The following TEX36 variants were observed in gnomAD, a reference collection of about 807,000 sequenced individuals.
TEX36 encodes testis expressed 36.
A neutral mutation model predicts 13.6 loss-of-function variants in TEX36; 12 were observed. That is an observed-to-expected ratio of 0.88 (90% confidence interval 0.56 to 1.43). The LOEUF (loss-of-function observed/expected upper bound fraction) is 1.43. Ranked by LOEUF, TEX36 falls within the 40% of genes most tolerant of loss-of-function variation. TEX36 has a pLI of 0.00. For synonymous variants in TEX36, 93 were observed against 83.0 expected (o/e 1.12, Z -0.65); for missense variants, 224 against 228.3 (o/e 0.98, Z 0.12).
At chr10:125,625,065 C>G (rs986448371) in intron 3 of TEX36, among the ~76,000 whole-genome samples, 13 of 152,200 alleles carry the variant, frequency 8.5e-5, no homozygotes, top group African/African-American at 3.1e-4. Flanking sequence ...AAGGGCAACA[C>G]CTCTTCCAGA....
chr10:125,627,632 T>A (rs532690548), intron 3 of TEX36, among the ~76,000 whole-genome samples: 1 of 152,382 alleles, frequency 6.6e-6, no homozygotes, highest in East Asian at 1.9e-4. Flanking sequence ...GAATCAGAAC[T>A]ATGGCATAAT....
intron 3 of TEX36, among the ~76,000 whole-genome samples, chr10:125,650,416 G>C (rs1263489439): frequency 6.6e-6 from 1 of 152,112 alleles, no homozygotes; most frequent in African/African-American, 2.4e-5. Flanking sequence ...ATAACGAAAT[G>C]AAGGCAGAAA....
chr10:125,589,823 C>T (rs1029665088), intron 3 of TEX36, among the ~76,000 whole-genome samples: 1 of 151,970 alleles, frequency 6.6e-6, no homozygotes, highest in Non-Finnish European at 1.5e-5. Context: ...TGACATTGAG[C>T]TATTATCAGA....
intron 3 of TEX36, among the ~76,000 whole-genome samples, chr10:125,630,032 G>C (rs900055655): frequency 6.6e-6 from 1 of 152,184 alleles, no homozygotes; most frequent in African/African-American, 2.4e-5. Flanking sequence ...CCAAGTGGCT[G>C]TCTATAAGCC....
chr10:125,656,564 A>G (rs1028978056), intron 3 of TEX36, among the ~76,000 whole-genome samples: 1 of 152,110 alleles, frequency 6.6e-6, no homozygotes, highest in African/African-American at 2.4e-5. Context: ...AGCCTCAGTC[A>G]CATAGTTCTG....
rs749582876 is a variant in TEX36 at position 125,683,011 on chromosome 10, G to A, written c.-22C>T. The A allele has an allele frequency of 1.8e-5, 28 of 1,551,648 alleles. No homozygotes were observed. The highest frequency in any genetic ancestry group is 2.4e-5 in the Non-Finnish European group (28 of 1,146,946). Reference sequence around the variant, plus strand: ...TCATTCTCTCCAGGAAGCTGAATGTGGCTGAGATTGGCTCCCTCACCTCTC... The same window carrying A: ...TCATTCTCTCCAGGAAGCTGAATGTAGCTGAGATTGGCTCCCTCACCTCTC... On this transcript the variant is annotated 5_prime_UTR_variant, in exon 1 of 4. Transcript: ENST00000368821.
chr10:125,586,837 A>G (rs1589741398), intron 3 of TEX36, among the ~76,000 whole-genome samples: 1 of 151,064 alleles, frequency 6.6e-6, no homozygotes. Context: ...TATGGCTTGG[A>G]TCTGTGTCCC....
At chr10:125,670,533 T>C (rs976504004) in intron 1 of TEX36, among the ~76,000 whole-genome samples, 2 of 152,234 alleles carry the variant, frequency 1.3e-5, no homozygotes, top group African/African-American at 2.4e-5. Flanking sequence ...TCTCATTCTG[T>C]AGGTTGCCTG....
chr10:125,679,152 C>T (rs1033245139), intron 1 of TEX36, among the ~76,000 whole-genome samples: 2 of 147,154 alleles, frequency 1.4e-5, no homozygotes, highest in Non-Finnish European at 3.0e-5. Flanking sequence ...CCCCCGCCCC[C>T]GCCAAGCTGA....
intron 1 of TEX36, chr10:125,667,703 G>A: frequency 1.3e-6 from 1 of 744,040 alleles, no homozygotes; most frequent in Non-Finnish European, 2.4e-6. Context: ...CTGGTAGAGT[G>A]TCTGGTGGAA....
intron 1 of TEX36, among the ~76,000 whole-genome samples, chr10:125,666,664 G>GC (rs1589783632): frequency 1.3e-5 from 2 of 151,862 alleles, no homozygotes; most frequent in African/African-American, 2.4e-5. Context: ...TTCTCTCCCC[G>GC]CCCCCCCTCC....
intron 3 of TEX36, among the ~76,000 whole-genome samples, chr10:125,634,230 T>C (rs1054279445): frequency 1.3e-5 from 2 of 152,148 alleles, no homozygotes; most frequent in African/African-American, 2.4e-5. Flanking sequence ...ACTTAAAATA[T>C]AGAGAGTGTG....
chr10:125,631,943 G>GT, intron 3 of TEX36, among the ~76,000 whole-genome samples: 1 of 152,252 alleles, frequency 6.6e-6, no homozygotes, highest in East Asian at 1.9e-4. Flanking sequence ...AATCAGGTGT[G>GT]TATTTTAGGA....
intron 3 of TEX36, among the ~76,000 whole-genome samples, chr10:125,627,001 A>G (rs1452325284): frequency 6.6e-6 from 1 of 152,172 alleles, no homozygotes; most frequent in African/African-American, 2.4e-5. Context: ...ATTGCAAATG[A>G]AAGAATAACA....
intron 1 of TEX36, among the ~76,000 whole-genome samples, chr10:125,679,146 CG>C (rs1455701585): frequency 0.042 from 5,681 of 136,356 alleles, 551 homozygotes; most frequent in South Asian, 0.097. Context: ...GCACCCCCCC[CG>C]CCCCCGCCAA....
intron 3 of TEX36, among the ~76,000 whole-genome samples, chr10:125,581,825 C>A (rs1845886869): frequency 6.6e-6 from 1 of 152,154 alleles, no homozygotes; most frequent in African/African-American, 2.4e-5. Context: ...ACCTCCCAAC[C>A]CATGGAAATA....
intron 1 of TEX36, among the ~76,000 whole-genome samples, chr10:125,664,189 G>A (rs1349016271): frequency 6.6e-6 from 1 of 152,106 alleles, no homozygotes; most frequent in East Asian, 1.9e-4. Context: ...TTTTATGGCT[G>A]AATAGTACTT....
At chr10:125,601,822 G>A (rs577435437) in intron 3 of TEX36, among the ~76,000 whole-genome samples, 7 of 152,288 alleles carry the variant, frequency 4.6e-5, no homozygotes, top group African/African-American at 7.2e-5. Flanking sequence ...TGGGAACACC[G>A]ACCTGCTAAC....
intron 3 of TEX36, among the ~76,000 whole-genome samples, chr10:125,628,333 T>C (rs145475608): frequency 4.6e-5 from 7 of 152,358 alleles, no homozygotes; most frequent in African/African-American, 1.7e-4. Context: ...TATGGAAGCA[T>C]AGTTAATGTC....
Sources: allele counts gnomAD v4.1 joint callset (sites outside exome capture counted in the v4.1 genomes callset), GRCh38; gene constraint gnomAD v4.1.1; transcripts MANE v1.5; gene names NCBI Gene and HGNC (gene_info 2026-07-23, HGNC 2026-07-21).